UTP20: variants seen among roughly 807,000 people sequenced by gnomAD.
The protein encoded by UTP20 is small subunit processome component 20 homolog.
In UTP20, 164 loss-of-function variants were observed where a neutral mutation model predicts 329.5. The ratio of observed to expected loss-of-function variants is 0.50; its 90% CI spans 0.44 to 0.57. The LOEUF (loss-of-function observed/expected upper bound fraction) is 0.57. Ranked by LOEUF, UTP20 falls within the 20% of genes least tolerant of loss-of-function variation. UTP20 has a pLI of 0.00. For synonymous variants in UTP20, 1,151 were observed against 1,159.3 expected (o/e 0.99, Z 0.14); for missense variants, 3,055 against 3,284.2 (o/e 0.93, Z 1.71).
Position 101,367,930 on chromosome 12 carries a change from C to G in UTP20, c.6338C>G (p.Pro2113Arg). Residue 2113 changes from proline to arginine, a missense_variant, in exon 48 of 62, where the codon CCT (proline) becomes CGT (arginine). Physicochemically the swap from Pro to Arg is moderately radical, Grantham distance 103. Around this residue, in one of 3 missense-constraint regions of UTP20, gnomAD observed 2,445 missense variants for 2,575.5 expected, o/e 0.95. Coordinates refer to ENST00000261637, the MANE Select transcript of UTP20 (RefSeq NM_014503.3). ...SGECVLEMLD[P>R]FVSLLIDCLG... The stretch of plus-strand genomic sequence containing the variant: ...GAATGTGTCCTGGAAATGCTGGATC[C>G]TTTTGTGTCTCTCCTCATAGACTGC... 6.2e-7 allele frequency: 1 copy of G among 1,613,754 alleles called. No individual in the cohort carries two copies. Among genetic ancestry groups the G allele is most frequent in the Non-Finnish European group, 8.5e-7 (1 of 1,179,796 alleles).
chr12:101,290,064 G>A, intron 6 of UTP20, 73 bp from the exon 7 acceptor site: 1 of 1,158,586 alleles, frequency 8.6e-7, no homozygotes, highest in Non-Finnish European at 1.2e-6. Flanking sequence ...ATATAGAATA[G>A]CAAATGAGAG....
intron 60 of UTP20, among the ~76,000 whole-genome samples, chr12:101,385,183 C>T (rs981951802): frequency 6.6e-6 from 1 of 152,018 alleles, no homozygotes; most frequent in Admixed American, 6.6e-5. Flanking sequence ...TTACTTTTCC[C>T]CCCATCTGCA....
In UTP20 at chr12:101,281,730, GA is replaced by G. The variant is rs1200533478; in HGVS notation, c.126+535del. ...TTTATTTATTCATTTTTTTGAGATG[GA>G]GTCTCGCTCCGTCTCCAGGTTGGAG... is the stretch of plus-strand genomic sequence containing the variant. On this transcript the variant is annotated intron_variant, in intron 2 of 61. Transcript: ENST00000261637. Among the ~76,000 whole-genome samples the G allele has an allele frequency of 3.3e-5, 5 of 151,964 alleles. No individual in the cohort carries two copies. The East Asian group carries it at 9.7e-4, about 29-fold the overall frequency.
chr12:101,369,853 A>C lies in UTP20; in HGVS notation c.6517A>C (p.Arg2173=), dbSNP rs150422308. Residue 2173 remains arginine (R), a synonymous_variant, in exon 49 of 62, where the codon AGG becomes CGG. Coordinates refer to ENST00000261637, the MANE Select transcript of UTP20 (RefSeq NM_014503.3). ...LKDYAKLGAA[R]GQNFHLVVNC... ...GGACTATGCAAAGCTCGGGGCCGCC[A>C]GGGGCCAGAACTTCCACCTTGTGGT... is the stretch of plus-strand genomic sequence containing the variant. 2.5e-6 allele frequency: 4 copies of C among 1,613,932 alleles called. No individual in the cohort carries two copies. In the East Asian group the frequency reaches 8.9e-5, roughly 36 times the overall value.
At chr12:101,309,025 G>A (rs1168904453) in intron 18 of UTP20, among the ~76,000 whole-genome samples, 3 of 151,964 alleles carry the variant, frequency 2.0e-5, no homozygotes, top group Admixed American at 6.5e-5. Flanking sequence ...GAGCCACTGC[G>A]CCCGGCCCAG....
chr12:101,287,293 GC>G (rs1871991872), intron 5 of UTP20, among the ~76,000 whole-genome samples: 1 of 152,122 alleles, frequency 6.6e-6, no homozygotes, highest in Non-Finnish European at 1.5e-5. Flanking sequence ...TCTTTTTCCA[GC>G]CTTTACTAGT....
intron 43 of UTP20, among the ~76,000 whole-genome samples, 182 bp downstream of exon 43, chr12:101,357,264 A>G (rs1264926942): frequency 2.0e-5 from 3 of 152,184 alleles, no homozygotes; most frequent in African/African-American, 2.4e-5. Context: ...TAGTTCCTAT[A>G]TCTGATTTTT....
intron 42 of UTP20, 37 bp from the exon 43 acceptor site, chr12:101,356,889 T>G (rs2305864): frequency 0.017 from 26,552 of 1,585,200 alleles, 447 homozygotes; most frequent in East Asian, 0.082. Context: ...TGCTTCTGTT[T>G]ATTTGATTAG....
At chr12:101,299,186 C>G (rs763330268) in intron 12 of UTP20, among the ~76,000 whole-genome samples, 1 of 152,030 alleles carries the variant, frequency 6.6e-6, no homozygotes, top group South Asian at 2.1e-4. Context: ...AATGTCATGT[C>G]GAAAAATGTC....
At chr12:101,366,756 T>C (rs1214043479) in intron 47 of UTP20, 57 bp downstream of exon 47, 11 of 1,563,466 alleles carry the variant, frequency 7.0e-6, no homozygotes, top group Admixed American at 5.6e-5. Flanking sequence ...CACCTTTTAG[T>C]CTTCTGTTGA....
chr12:101,283,345 G>A (rs1249760243), intron 2 of UTP20, among the ~76,000 whole-genome samples: 2 of 152,116 alleles, frequency 1.3e-5, no homozygotes, highest in Non-Finnish European at 2.9e-5. Flanking sequence ...AGCTAGACTA[G>A]GCTTCTTTTC....
At chr12:101,282,585 T>C (rs1871836138) in intron 2 of UTP20, among the ~76,000 whole-genome samples, 1 of 152,188 alleles carries the variant, frequency 6.6e-6, no homozygotes, top group Non-Finnish European at 1.5e-5. Flanking sequence ...GGTTTTATCC[T>C]GAAGCTGTAG....
chr12:101,307,874 T>C (rs1872682182), intron 17 of UTP20, among the ~76,000 whole-genome samples: 1 of 152,198 alleles, frequency 6.6e-6, no homozygotes, highest in Non-Finnish European at 1.5e-5. Context: ...TAGGAATAGA[T>C]TTGTGAAGCA....
chr12:101,280,366 G>T (rs1029047286), intron 1 of UTP20, 39 bp downstream of exon 1: 2 of 1,551,100 alleles, frequency 1.3e-6, no homozygotes, highest in Admixed American at 2.0e-5. Context: ...GCGGGTCTCC[G>T]CTGCCTCAGT....
rs534087233 is a variant in UTP20, at chr12:101,327,741, G to A, written c.3208+494G>A. 1.8e-4 allele frequency among the ~76,000 whole-genome samples: 27 copies of A among 152,288 alleles called. No individual in the cohort carries two copies. The South Asian group carries it at 5.4e-3, about 30-fold the overall frequency. On this transcript the variant is annotated intron_variant, in intron 26 of 61. Transcript: ENST00000261637. ...ACCTGATAGTTGAGATGAAATGGAT[G>A]TAATCGTGTATACATTGAGCTAGAG...
chr12:101,344,889 GA>G (rs1172983784), intron 36 of UTP20, 139 bp downstream of exon 36: 2 of 365,788 alleles, frequency 5.5e-6, no homozygotes, highest in African/African-American at 4.3e-5. Context: ...ATAGTCACCA[GA>G]CTTTTAATGG....
Position 101,386,204 on chromosome 12 carries a change from G to A in UTP20, c.*81G>A, listed in dbSNP as rs981255400. The A allele has an allele frequency of 7.1e-7, 1 of 1,406,812 alleles. No homozygotes were observed. Among genetic ancestry groups the A allele is most frequent in the Non-Finnish European group, 9.7e-7 (1 of 1,034,212 alleles). 87.1% of individuals were successfully genotyped at this position (1,406,812 alleles called of 1,614,324 possible). On this transcript the variant is annotated 3_prime_UTR_variant, in exon 62 of 62. Transcript: ENST00000261637. ...ATTACAGTAGGTTGTCTGGGGTAGGGGGGAGGCGTTTTTTTTTTTTTTTGA... is the reference window on the plus strand; with the variant it reads ...ATTACAGTAGGTTGTCTGGGGTAGGAGGGAGGCGTTTTTTTTTTTTTTTGA...
chr12:101,385,508 T>C (rs1190592243), intron 60 of UTP20, 75 bp from the exon 61 acceptor site: 4 of 1,499,938 alleles, frequency 2.7e-6, no homozygotes, highest in Admixed American at 2.2e-5. Context: ...ATGTTGTACA[T>C]ATTGTTGATT....
chr12:101,354,765 C>G (rs1869659735), intron 40 of UTP20, 67 bp from the exon 41 acceptor site: 1 of 1,522,204 alleles, frequency 6.6e-7, no homozygotes, highest in African/African-American at 1.4e-5. Context: ...GTGGGAAAAA[C>G]TGCTTACCAC....
Sources: gnomAD v4.1 joint callset for allele counts (sites outside exome capture counted in the v4.1 genomes callset) on GRCh38, gnomAD v4.1.1 for gene constraint, gnomAD v4.1.1 regional missense constraint, MANE v1.5 for transcripts, NCBI Gene and HGNC (gene_info 2026-07-23, HGNC 2026-07-21) for gene names.